The following IRAG2 variants were observed in gnomAD, a reference collection of about 807,000 sequenced individuals.
IRAG2 encodes the protein inositol 1,4,5-triphosphate receptor associated 2, also known as lymphoid restricted membrane protein.
Under a neutral mutation model 69.9 loss-of-function variants are expected in IRAG2, and 45 were observed. The ratio of observed to expected loss-of-function variants is 0.64; its 90% CI spans 0.51 to 0.83. The LOEUF is 0.83. Among genes scored for constraint, IRAG2 ranks in the 40% least tolerant of loss-of-function variants. The probability of loss-of-function intolerance (pLI) is 0.00; values close to 1 mark genes in which losing one functional copy is unlikely to be tolerated. For synonymous variants in IRAG2, 193 were observed against 202.4 expected (o/e 0.95, Z 0.40); for missense variants, 520 against 587.0 (o/e 0.89, Z 1.18).
chr12:25,002,982 A>G (rs1213641525), upstream of IRAG2, among the ~76,000 whole-genome samples: 1 of 152,204 alleles, frequency 6.6e-6, no homozygotes, highest in Non-Finnish European at 1.5e-5. Flanking sequence ...GGGTATTGTC[A>G]GGAAACAATG....
intron 6 of IRAG2, among the ~76,000 whole-genome samples, chr12:25,078,824 A>T (rs576703474): frequency 1.3e-3 from 199 of 152,322 alleles, no homozygotes; most frequent in Non-Finnish European, 2.5e-3. Context: ...TAGCTAGAAA[A>T]CTAAGAGCAA....
chr12:25,078,423 AT>A, intron 6 of IRAG2, among the ~76,000 whole-genome samples: 1 of 152,342 alleles, frequency 6.6e-6, no homozygotes, highest in East Asian at 1.9e-4. Context: ...AGTTCTGATT[AT>A]GGAATAACTA....
At chr12:25,058,081 A>G (rs543544453) in intron 1 of IRAG2, among the ~76,000 whole-genome samples, 1 of 152,326 alleles carries the variant, frequency 6.6e-6, no homozygotes, top group Non-Finnish European at 1.5e-5. Context: ...TTGTGTGCAC[A>G]TATGTTTTTA....
intron 1 of IRAG2, among the ~76,000 whole-genome samples, chr12:25,053,954 G>A (rs374927129): frequency 1.4e-4 from 21 of 152,102 alleles, no homozygotes; most frequent in African/African-American, 4.6e-4. Context: ...ATGGTTTGCC[G>A]GACACAGTGG....
At chr12:25,041,999 ATG>A (rs1944755141) in intron 16 of IRAG2, among the ~76,000 whole-genome samples, 1 of 144,900 alleles carries the variant, frequency 6.9e-6, no homozygotes, top group Non-Finnish European at 1.5e-5. Context: ...GTGTATGTGT[ATG>A]TGTGTTTGTT....
intron 16 of IRAG2, among the ~76,000 whole-genome samples, chr12:25,044,678 G>A (rs929210455): frequency 1.3e-5 from 2 of 151,766 alleles, no homozygotes; most frequent in Non-Finnish European, 2.9e-5. Flanking sequence ...AGACAAAGAA[G>A]GACATTATAT....
chr12:25,095,246 C>T (rs2140201948), intron 14 of IRAG2, among the ~76,000 whole-genome samples: 1 of 152,150 alleles, frequency 6.6e-6, no homozygotes, highest in East Asian at 1.9e-4. Flanking sequence ...TAATTTTCTC[C>T]TATTTCTATT....
At chr12:25,009,624 C>G (rs7132266) in intron 2 of IRAG2, among the ~76,000 whole-genome samples, 2 of 152,122 alleles carry the variant, frequency 1.3e-5, no homozygotes, top group African/African-American at 2.4e-5. Flanking sequence ...ATCATGGAGG[C>G]GGGCAAGTCC....
chr12:25,054,824 G>A (rs772267714), intron 1 of IRAG2, among the ~76,000 whole-genome samples: 1 of 152,130 alleles, frequency 6.6e-6, no homozygotes, highest in African/African-American at 2.4e-5. Flanking sequence ...CAATCTTTGA[G>A]AGAAGAGGGA....
At chr12:25,051,584 G>A (rs1944873491), upstream of IRAG2, among the ~76,000 whole-genome samples, 1 of 152,168 alleles carries the variant, frequency 6.6e-6, no homozygotes, top group South Asian at 2.1e-4. Context: ...GATTAGAATT[G>A]GATCCAAATG....
upstream of IRAG2, among the ~76,000 whole-genome samples, chr12:25,051,634 A>G (rs1485683674): frequency 1.3e-5 from 2 of 152,224 alleles, no homozygotes; most frequent in Non-Finnish European, 2.9e-5. Context: ...GTGGTGGGGA[A>G]GGGTGATGGG....
intron 1 of IRAG2, among the ~76,000 whole-genome samples, chr12:25,059,162 G>A (rs770489136): frequency 6.6e-6 from 1 of 152,222 alleles, no homozygotes; most frequent in African/African-American, 2.4e-5. Context: ...GGAGATACAC[G>A]ACCTTCAGAA....
At chr12:25,011,761 T>A (rs555143673) in intron 3 of IRAG2, among the ~76,000 whole-genome samples, 1 of 152,316 alleles carries the variant, frequency 6.6e-6, no homozygotes, top group East Asian at 1.9e-4. Flanking sequence ...ATTTACATTC[T>A]AACAAGTTTC....
intron 1 of IRAG2, among the ~76,000 whole-genome samples, chr12:25,061,201 A>T (rs1945613558): frequency 6.6e-6 from 1 of 152,262 alleles, no homozygotes; most frequent in Non-Finnish European, 1.5e-5. Context: ...AAGTTTTTGA[A>T]GCAATGAAAT....
chr12:25,026,659 C>A, intron 8 of IRAG2: 1 of 406,064 alleles, frequency 2.5e-6, no homozygotes, highest in African/African-American at 2.0e-5. Context: ...GGAGTAGTGG[C>A]TGAGGTTGAA....
chr12:25,103,670 T>C, intron 17 of IRAG2, 167 bp from the exon 18 acceptor site: 1 of 555,522 alleles, frequency 1.8e-6, no homozygotes, highest in Non-Finnish European at 3.2e-6. Flanking sequence ...ATTGGTAAAA[T>C]ATTTCTGGAA....
chr12:25,088,402 C>T (rs147721409), intron 11 of IRAG2, among the ~76,000 whole-genome samples: 7 of 152,194 alleles, frequency 4.6e-5, no homozygotes, highest in African/African-American at 1.7e-4. Flanking sequence ...AAGAACCAAG[C>T]GAATGTTGGT....
chr12:25,010,828 T>C (rs1301051186), intron 2 of IRAG2, among the ~76,000 whole-genome samples: 2 of 152,214 alleles, frequency 1.3e-5, no homozygotes, highest in Non-Finnish European at 2.9e-5. Flanking sequence ...GGTGTGTCAA[T>C]GACTAACATA....
intron 14 of IRAG2, among the ~76,000 whole-genome samples, chr12:25,095,493 C>T (rs1310544564): frequency 6.6e-6 from 1 of 152,014 alleles, no homozygotes; most frequent in Non-Finnish European, 1.5e-5. Flanking sequence ...AGAAATAAAT[C>T]CTACTTGTAC....
Sources: gnomAD v4.1 joint callset for allele counts (sites outside exome capture counted in the v4.1 genomes callset) on GRCh38, gnomAD v4.1.1 for gene constraint, MANE v1.5 for transcripts, NCBI Gene and HGNC (gene_info 2026-07-23, HGNC 2026-07-21) for gene names.